The following DAAM1 variants were observed in gnomAD, a reference collection of about 807,000 sequenced individuals.
DAAM1 encodes the protein dishevelled associated activator of morphogenesis 1.
Under a neutral mutation model 130.0 loss-of-function variants are expected in DAAM1, and 52 were observed. That is an observed-to-expected ratio of 0.40 (90% CI 0.32 to 0.50). The LOEUF (loss-of-function observed/expected upper bound fraction) is 0.50, where lower values mean the gene tolerates loss of function less well. DAAM1 is among the 20% of genes least tolerant of loss of function. The pLI is 0.61. For synonymous variants in DAAM1, 452 were observed against 444.5 expected, an observed-to-expected ratio of 1.02 and a Z score of -0.21; for missense variants, 1,134 against 1,303.8, an observed-to-expected ratio of 0.87 and a Z score of 2.01.
At chr14:59,366,217 A>G (rs531052355) in intron 23 of DAAM1, among the ~76,000 whole-genome samples, 26 of 151,946 alleles carry the variant, frequency 1.7e-4, no homozygotes, top group African/African-American at 6.1e-4. Flanking sequence ...GCAATACCCC[A>G]TATCTTTTTA....
intron 1 of DAAM1, among the ~76,000 whole-genome samples, chr14:59,214,237 A>G (rs1228174485): frequency 1.3e-5 from 2 of 151,936 alleles, no homozygotes; most frequent in Non-Finnish European, 2.9e-5. Context: ...GGCATGAGAA[A>G]CCTCTTTGTC....
intron 1 of DAAM1, among the ~76,000 whole-genome samples, chr14:59,234,431 G>GT (rs1304835407): frequency 6.6e-6 from 1 of 151,846 alleles, no homozygotes; most frequent in Non-Finnish European, 1.5e-5. Flanking sequence ...CTCTCTGCTT[G>GT]TCTATTGGTG....
chr14:59,236,744 C>T (rs1422403471), intron 1 of DAAM1, among the ~76,000 whole-genome samples: 1 of 152,132 alleles, frequency 6.6e-6, no homozygotes, highest in Non-Finnish European at 1.5e-5. Context: ...CTGTCTGGTT[C>T]ATTGCTGGGC....
chr14:59,247,580 A>G (rs1881446248), intron 1 of DAAM1, among the ~76,000 whole-genome samples: 1 of 152,110 alleles, frequency 6.6e-6, no homozygotes, highest in Non-Finnish European at 1.5e-5. Flanking sequence ...TTCAGTGTAC[A>G]AGCTTTTCAC....
At chr14:59,254,487 G>C (rs1420103032) in intron 1 of DAAM1, among the ~76,000 whole-genome samples, 1 of 152,128 alleles carries the variant, frequency 6.6e-6, no homozygotes, top group Non-Finnish European at 1.5e-5. Flanking sequence ...GAGACAGATT[G>C]GAACCCAGAG....
chr14:59,326,297 G>T (rs1486949968), intron 10 of DAAM1, among the ~76,000 whole-genome samples: 1 of 152,084 alleles, frequency 6.6e-6, no homozygotes, highest in Non-Finnish European at 1.5e-5. Context: ...TAAAAAATAT[G>T]CCTTACAACC....
chr14:59,289,897 C>T (rs938632938), intron 2 of DAAM1, among the ~76,000 whole-genome samples: 1 of 151,812 alleles, frequency 6.6e-6, no homozygotes, highest in African/African-American at 2.4e-5. Context: ...AACGAAATAT[C>T]GCATGTTCTC....
intron 5 of DAAM1, 54 bp from the exon 6 acceptor site, chr14:59,322,838 G>A (rs1340132807): frequency 7.7e-6 from 11 of 1,420,238 alleles, no homozygotes; most frequent in Non-Finnish European, 9.7e-6. Flanking sequence ...TTCTGTTAGG[G>A]GCTATTATAA....
intron 2 of DAAM1, among the ~76,000 whole-genome samples, chr14:59,272,309 T>C (rs984011999): frequency 1.3e-5 from 2 of 152,206 alleles, no homozygotes; most frequent in African/African-American, 4.8e-5. Context: ...CCAGGCACAG[T>C]GGCTCACACC....
intron 16 of DAAM1, 92 bp downstream of exon 16, chr14:59,340,272 A>T: frequency 8.2e-7 from 1 of 1,226,608 alleles, no homozygotes. Context: ...TTTTAATTGT[A>T]CTCTGCTGAG....
At chr14:59,251,044 GC>G (rs1881616017) in intron 1 of DAAM1, among the ~76,000 whole-genome samples, 1 of 152,158 alleles carries the variant, frequency 6.6e-6, no homozygotes, top group Admixed American at 6.5e-5. Flanking sequence ...CCATGCCTGG[GC>G]CCCAACACCA....
chr14:59,283,823 CAA>C (rs1594798951), intron 2 of DAAM1, among the ~76,000 whole-genome samples: 1 of 152,104 alleles, frequency 6.6e-6, no homozygotes, highest in East Asian at 1.9e-4. Flanking sequence ...GCAAGCCTGG[CAA>C]ACTCAGTTGG....
chr14:59,233,988 A>C (rs1370294609), intron 1 of DAAM1, among the ~76,000 whole-genome samples: 3 of 152,098 alleles, frequency 2.0e-5, no homozygotes, highest in African/African-American at 7.2e-5. Context: ...CCATTGGTCT[A>C]TATGTCTGTT....
intron 2 of DAAM1, among the ~76,000 whole-genome samples, chr14:59,276,916 A>G (rs1882994952): frequency 6.6e-6 from 1 of 152,166 alleles, no homozygotes; most frequent in Admixed American, 6.5e-5. Context: ...CCCCACCTCA[A>G]TCATTATTTG....
intron 3 of DAAM1, among the ~76,000 whole-genome samples, chr14:59,304,646 T>C (rs1884307256): frequency 6.6e-6 from 1 of 152,220 alleles, no homozygotes; most frequent in South Asian, 2.1e-4. Context: ...ATGTCCCATA[T>C]TGAGATGTTT....
chr14:59,194,158 G>A (rs1387344698), intron 1 of DAAM1, among the ~76,000 whole-genome samples: 2 of 152,076 alleles, frequency 1.3e-5, no homozygotes, highest in Non-Finnish European at 2.9e-5. Flanking sequence ...CTGACTTTCC[G>A]GCACGTTATT....
intron 3 of DAAM1, among the ~76,000 whole-genome samples, chr14:59,298,255 G>T (rs901264463): frequency 6.6e-6 from 1 of 152,110 alleles, no homozygotes; most frequent in Admixed American, 6.6e-5. Flanking sequence ...ATTAAAATTA[G>T]GAGGAAAAAA....
At chr14:59,284,363 A>T (rs867635552) in intron 2 of DAAM1, among the ~76,000 whole-genome samples, 2 of 152,156 alleles carry the variant, frequency 1.3e-5, no homozygotes, top group Non-Finnish European at 2.9e-5. Context: ...CTAAGCCTAC[A>T]TGTCCATGAG....
chr14:59,214,577 T>A (rs925472547), intron 1 of DAAM1, among the ~76,000 whole-genome samples: 6 of 152,244 alleles, frequency 3.9e-5, no homozygotes, highest in African/African-American at 1.4e-4. Flanking sequence ...GTTCTGGACA[T>A]TTAATATAAA....
Sources: allele counts gnomAD v4.1 joint callset (sites outside exome capture counted in the v4.1 genomes callset), GRCh38; gene constraint gnomAD v4.1.1; transcripts MANE v1.5; gene names NCBI Gene and HGNC (gene_info 2026-07-23, HGNC 2026-07-21).